The following APBB2 variants were observed in gnomAD, a reference collection of about 807,000 sequenced individuals.
APBB2 encodes the protein Fe65-like 1.
In APBB2, 38 loss-of-function variants were observed where a neutral mutation model predicts 82.5. The observed-to-expected ratio is 0.46, with a 90% confidence interval of 0.36 to 0.60. APBB2 has a LOEUF of 0.60. Ranked by LOEUF, APBB2 falls within the 20% of genes least tolerant of loss-of-function variation. The pLI, the probability that APBB2 is intolerant of heterozygous loss-of-function variation, is 0.00. For missense variants in APBB2, 772 were observed against 972.3 expected, an observed-to-expected ratio of 0.79 and a Z score of 2.74; for synonymous variants, 341 against 368.2, an observed-to-expected ratio of 0.93 and a Z score of 0.85.
chr4:41,016,986 T>A (rs1445407578), intron 5 of APBB2, among the ~76,000 whole-genome samples: 2 of 152,020 alleles, frequency 1.3e-5, no homozygotes, highest in Non-Finnish European at 2.9e-5. Flanking sequence ...AGCCTCAACC[T>A]CCTAGGCTCA....
At chr4:41,151,852 G>A (rs891503625) in intron 1 of APBB2, among the ~76,000 whole-genome samples, 1 of 150,626 alleles carries the variant, frequency 6.6e-6, no homozygotes, top group Non-Finnish European at 1.5e-5. Context: ...TTCCCTTATC[G>A]GCCCATAAAT....
At chr4:41,168,198 G>T (rs1025806842) in intron 1 of APBB2, among the ~76,000 whole-genome samples, 1 of 145,484 alleles carries the variant, frequency 6.9e-6, no homozygotes, top group Non-Finnish European at 1.5e-5. Context: ...GAACCCGGGA[G>T]GCGGAGCCTG....
At chr4:41,004,203 G>C (rs1347039085) in intron 6 of APBB2, among the ~76,000 whole-genome samples, 2 of 152,128 alleles carry the variant, frequency 1.3e-5, no homozygotes. Context: ...ACAGGTGTGA[G>C]CCACTGCGCC....
At chr4:41,166,472 C>T (rs62409984) in intron 1 of APBB2, among the ~76,000 whole-genome samples, 11 of 150,868 alleles carry the variant, frequency 7.3e-5, no homozygotes, top group African/African-American at 2.7e-4. Flanking sequence ...CAGCTACTGG[C>T]GAGGCTGAGG....
chr4:40,991,808 G>A (rs1444874827), intron 6 of APBB2, among the ~76,000 whole-genome samples: 1 of 152,086 alleles, frequency 6.6e-6, no homozygotes, highest in Non-Finnish European at 1.5e-5. Context: ...TCAGACCCCA[G>A]AGGGCATTTC....
intron 10 of APBB2, among the ~76,000 whole-genome samples, chr4:40,902,904 G>A (rs1162906183): frequency 6.6e-6 from 1 of 152,200 alleles, no homozygotes; most frequent in African/African-American, 2.4e-5. Flanking sequence ...TACTTGGGAG[G>A]CTGACGCAGG....
chr4:40,907,398 T>C (rs1363920389), intron 10 of APBB2, among the ~76,000 whole-genome samples: 6 of 118,334 alleles, frequency 5.1e-5, no homozygotes, highest in Non-Finnish European at 1.0e-4. Flanking sequence ...TTTTTTTTTT[T>C]TTAGACAGAG....
At chr4:41,202,368 C>A (rs1357265490) in intron 1 of APBB2, among the ~76,000 whole-genome samples, 1 of 152,070 alleles carries the variant, frequency 6.6e-6, no homozygotes, top group African/African-American at 2.4e-5. Flanking sequence ...CTCTTTTGTT[C>A]CCAATTAGTT....
At chr4:41,049,027 C>T (rs1424764893) in intron 4 of APBB2, among the ~76,000 whole-genome samples, 1 of 152,098 alleles carries the variant, frequency 6.6e-6, no homozygotes, top group African/African-American at 2.4e-5. Flanking sequence ...ATCCACCTCC[C>T]AGCAGCCTGC....
intron 17 of APBB2, among the ~76,000 whole-genome samples, chr4:40,821,329 C>T (rs928932321): frequency 1.3e-5 from 2 of 152,194 alleles, no homozygotes; most frequent in African/African-American, 4.8e-5. Context: ...AATCCAGGCT[C>T]GGCTCTGTCA....
intron 10 of APBB2, among the ~76,000 whole-genome samples, chr4:40,909,188 C>T (rs562785732): frequency 1.5e-3 from 226 of 152,362 alleles, no homozygotes; most frequent in Non-Finnish European, 2.4e-3. Context: ...GCCTGCCCCA[C>T]AGCGACTCTC....
intron 6 of APBB2, among the ~76,000 whole-genome samples, chr4:40,950,820 G>A (rs1004936224): frequency 6.6e-6 from 1 of 151,516 alleles, no homozygotes; most frequent in Non-Finnish European, 1.5e-5. Context: ...TCCAACTTGG[G>A]TGACAGAGCA....
At chr4:40,853,612 G>A (rs539218988) in intron 12 of APBB2, among the ~76,000 whole-genome samples, 1 of 152,100 alleles carries the variant, frequency 6.6e-6, no homozygotes, top group South Asian at 2.1e-4. Context: ...ACCATGTCTG[G>A]CTAATTTTTT....
At chr4:40,855,698 T>C (rs1760969473) in intron 12 of APBB2, among the ~76,000 whole-genome samples, 1 of 151,416 alleles carries the variant, frequency 6.6e-6, no homozygotes, top group Non-Finnish European at 1.5e-5. Context: ...ATTGTGCCAC[T>C]GCACTACAGG....
chr4:40,889,986 T>A (rs1469777259), intron 12 of APBB2, among the ~76,000 whole-genome samples: 2 of 152,126 alleles, frequency 1.3e-5, no homozygotes, highest in Non-Finnish European at 2.9e-5. Flanking sequence ...CAGGAGGGCC[T>A]CTGAAATGGC....
At chr4:41,006,956 A>C (rs985424731) in intron 6 of APBB2, among the ~76,000 whole-genome samples, 5 of 152,178 alleles carry the variant, frequency 3.3e-5, no homozygotes, top group Admixed American at 6.5e-5. Flanking sequence ...TGTTGACATA[A>C]TTAGGTTTGT....
At chr4:40,833,346 C>T (rs1250393993) in intron 12 of APBB2, among the ~76,000 whole-genome samples, 2 of 152,162 alleles carry the variant, frequency 1.3e-5, no homozygotes, top group East Asian at 1.9e-4. Flanking sequence ...CGGCACTCCC[C>T]GCTGCTCCAG....
chr4:40,865,591 A>C (rs560890681), intron 12 of APBB2, among the ~76,000 whole-genome samples: 1 of 152,228 alleles, frequency 6.6e-6, no homozygotes, highest in African/African-American at 2.4e-5. Flanking sequence ...TTCACTTAGC[A>C]TAATTGTTGA....
chr4:41,010,166 G>A (rs900557911), intron 6 of APBB2, among the ~76,000 whole-genome samples: 1 of 152,156 alleles, frequency 6.6e-6, no homozygotes, highest in Non-Finnish European at 1.5e-5. Flanking sequence ...GCTGAAGCAG[G>A]TGCAGAGATC....
Sources: gnomAD v4.1 joint callset for allele counts (sites outside exome capture counted in the v4.1 genomes callset) on GRCh38, gnomAD v4.1.1 for gene constraint, MANE v1.5 for transcripts, NCBI Gene and HGNC (gene_info 2026-07-23, HGNC 2026-07-21) for gene names.